The following SPART variants were observed in gnomAD, a reference collection of about 807,000 sequenced individuals.
The protein encoded by SPART is spastic paraplegia 20 (Troyer syndrome).
In SPART, 35 loss-of-function variants were observed where a neutral mutation model predicts 58.7. The observed-to-expected ratio is 0.60, with a 90% CI of 0.46 to 0.79. The LOEUF (loss-of-function observed/expected upper bound fraction) is 0.79, where lower values mean the gene tolerates loss of function less well. Among genes scored for constraint, SPART ranks in the 30% least tolerant of loss-of-function variants. The pLI is 0.00. For synonymous variants in SPART, 284 were observed against 280.7 expected, an observed-to-expected ratio of 1.01 and a Z score of -0.12; for missense variants, 730 against 786.1, an observed-to-expected ratio of 0.93 and a Z score of 0.85.
intron 4 of SPART, 37 bp downstream of exon 4, chr13:36,329,325 A>C: frequency 6.2e-7 from 1 of 1,610,024 alleles, no homozygotes; most frequent in Non-Finnish European, 8.5e-7. Context: ...AGGTACCATT[A>C]GAAGACAACA....
At chr13:36,306,742 A>C (rs1268426027) in intron 8 of SPART, among the ~76,000 whole-genome samples, 1 of 141,394 alleles carries the variant, frequency 7.1e-6, no homozygotes, top group Non-Finnish European at 1.6e-5. Context: ...AATTCCTATT[A>C]ATTTGGGAAA....
intron 1 of SPART, among the ~76,000 whole-genome samples, chr13:36,358,128 A>G (rs548760164): frequency 2.0e-5 from 3 of 152,208 alleles, no homozygotes; most frequent in Non-Finnish European, 4.4e-5. Flanking sequence ...TAGAAAAAAA[A>G]AGAAAAACCT....
In SPART at chr13:36,335,723, T is replaced by G. The variant is rs199833044; in HGVS notation, c.108A>C (p.Leu36Phe). 1.2e-5 allele frequency: 20 copies of G among 1,614,024 alleles called. No homozygotes were observed. The highest frequency in any genetic ancestry group is 1.6e-5 in the Non-Finnish European group (19 of 1,179,986). The change falls in exon 2 of 9, where the codon TTA becomes TTC. Residue 36 changes from leucine to phenylalanine, a missense_variant. Coordinates refer to ENST00000438666, the MANE Select transcript of SPART (RefSeq NM_015087.5). ...FVNKGLNTDE[L>F]GQKEEAKNYY... ...AGTTCTTTGCTTCTTCCTTCTGACC[T>G]AATTCATCTGTATTCAGACCTTTGT...
At chr13:36,318,105 CCCTT>C (rs1250340087) in intron 5 of SPART, among the ~76,000 whole-genome samples, 2 of 152,086 alleles carry the variant, frequency 1.3e-5, no homozygotes, top group Non-Finnish European at 2.9e-5. Context: ...TCTGACCTCT[CCCTT>C]CCTCCCCAGG....
At chr13:36,318,851 T>G (rs1882026716) in intron 5 of SPART, among the ~76,000 whole-genome samples, 1 of 152,202 alleles carries the variant, frequency 6.6e-6, no homozygotes, top group South Asian at 2.1e-4. Flanking sequence ...CCAGAGCCCC[T>G]GGAACTCTGG....
chr13:36,320,090 G>A (rs1187462176), intron 5 of SPART, among the ~76,000 whole-genome samples: 1 of 152,008 alleles, frequency 6.6e-6, no homozygotes, highest in Non-Finnish European at 1.5e-5. Flanking sequence ...ATGTCTGCGT[G>A]CAGCGGCTGC....
chr13:36,333,429 AT>A (rs34312130), intron 2 of SPART, among the ~76,000 whole-genome samples: 256 of 132,314 alleles, frequency 1.9e-3, no homozygotes, highest in Middle Eastern at 8.4e-3. Context: ...TTATTATTGT[AT>A]TTTTTTTTTT....
chr13:36,326,396 T>C, intron 5 of SPART, 179 bp downstream of exon 5: 1 of 688,156 alleles, frequency 1.5e-6, no homozygotes, highest in South Asian at 1.9e-5. Flanking sequence ...AATTTATACT[T>C]ATATGACAAT....
At chr13:36,345,241 A>C (rs1208997625) in intron 1 of SPART, among the ~76,000 whole-genome samples, 1 of 152,180 alleles carries the variant, frequency 6.6e-6, no homozygotes, top group Admixed American at 6.5e-5. Context: ...ACCATAGACA[A>C]CGACGTTTCA....
In SPART at chr13:36,327,944, A is replaced by C. The variant is rs1379140112; in HGVS notation, c.1165-1246T>G. Among the ~76,000 whole-genome samples, 5 of 152,288 alleles carry C rather than the reference A, an allele frequency of 3.3e-5. No individual in the cohort carries two copies. In the East Asian group the frequency reaches 9.7e-4, roughly 29 times the overall value. On this transcript the variant is annotated intron_variant, in intron 4 of 8. Coordinates refer to ENST00000438666, the MANE Select transcript of SPART (RefSeq NM_015087.5). ...GGGAGGCGGAGGTTGCAGTCAGCTG[A>C]GATCGCACCACTGCACTCCAGCCTG...
At chr13:36,368,370 G>T in intron 1 of SPART, 2 of 178,338 alleles carry the variant, frequency 1.1e-5, no homozygotes, top group South Asian at 1.2e-4. Context: ...TTGAGATCAT[G>T]TTTATCCATC....
At chr13:36,365,829 C>T (rs1886031076) in intron 1 of SPART, 2 of 237,354 alleles carry the variant, frequency 8.4e-6, no homozygotes, top group East Asian at 1.4e-4. Context: ...CTCTAGAATG[C>T]CCAGCATGTT....
chr13:36,321,204 C>A (rs1344218948), intron 5 of SPART, among the ~76,000 whole-genome samples: 1 of 152,196 alleles, frequency 6.6e-6, no homozygotes, highest in East Asian at 1.9e-4. Flanking sequence ...TACTCATACT[C>A]CTATTCACCG....
At chr13:36,358,649 A>T (rs1885716641) in intron 1 of SPART, among the ~76,000 whole-genome samples, 1 of 152,218 alleles carries the variant, frequency 6.6e-6, no homozygotes, top group African/African-American at 2.4e-5. Flanking sequence ...GTAGTGTCAG[A>T]TCACAGCATA....
At chr13:36,331,846 T>G (rs1476989387) in intron 2 of SPART, among the ~76,000 whole-genome samples, 1 of 152,208 alleles carries the variant, frequency 6.6e-6, no homozygotes, top group Non-Finnish European at 1.5e-5. Flanking sequence ...ATCTTAAAGC[T>G]GATGGCCTTA....
At chr13:36,367,378 G>A (rs116594012) in intron 1 of SPART, among the ~76,000 whole-genome samples, 114 of 152,164 alleles carry the variant, frequency 7.5e-4, no homozygotes, top group African/African-American at 2.5e-3. Flanking sequence ...CAGCTTTTTC[G>A]CAGTTTACGT....
At chr13:36,331,286 A>T in intron 3 of SPART, 113 bp downstream of exon 3, 2 of 916,616 alleles carry the variant, frequency 2.2e-6, no homozygotes, top group Admixed American at 3.5e-5. Context: ...CAAATGGTGA[A>T]CTGTCAGTCT....
At chr13:36,357,309 G>C (rs1593292990) in intron 1 of SPART, among the ~76,000 whole-genome samples, 2 of 152,296 alleles carry the variant, frequency 1.3e-5, no homozygotes, top group East Asian at 3.9e-4. Context: ...ATCACCCATG[G>C]GATAGTTTTC....
chr13:36,310,654 C>T (rs1880996840), intron 8 of SPART, among the ~76,000 whole-genome samples: 1 of 152,090 alleles, frequency 6.6e-6, no homozygotes, highest in Admixed American at 6.5e-5. Flanking sequence ...AACACACCCC[C>T]ACAGCTGCTG....
Sources: allele counts gnomAD v4.1 joint callset (sites outside exome capture counted in the v4.1 genomes callset), GRCh38; gene constraint gnomAD v4.1.1; transcripts MANE v1.5; gene names NCBI Gene and HGNC (gene_info 2026-07-23, HGNC 2026-07-21).